The following CLIP4 variants were observed in gnomAD, a reference collection of about 807,000 sequenced individuals.
CLIP4 encodes CAP-Gly domain-containing linker protein 4.
In CLIP4, 47 loss-of-function variants were observed where a neutral mutation model predicts 73.1. The observed-to-expected ratio is 0.64, with a 90% CI of 0.51 to 0.82. The LOEUF is 0.82. CLIP4 is among the 40% of genes least tolerant of loss of function. The pLI, the probability that CLIP4 is intolerant of heterozygous loss-of-function variation, is 0.00. For synonymous variants in CLIP4, 306 were observed against 295.4 expected (o/e 1.04, Z -0.37); for missense variants, 874 against 852.9 (o/e 1.02, Z -0.31).
chr2:29,146,009 A>G (rs1320327845), intron 8 of CLIP4, among the ~76,000 whole-genome samples: 1 of 152,190 alleles, frequency 6.6e-6, no homozygotes, highest in African/African-American at 2.4e-5. Flanking sequence ...GCCATGATGG[A>G]AAGGTTTAGG....
chr2:29,158,140 A>T (rs1458002938), intron 11 of CLIP4, among the ~76,000 whole-genome samples: 1 of 152,180 alleles, frequency 6.6e-6, no homozygotes, highest in Non-Finnish European at 1.5e-5. Context: ...AGAACCTGAA[A>T]GTTTTCCCTG....
chr2:29,136,439 C>T (rs1005908151), intron 6 of CLIP4, among the ~76,000 whole-genome samples: 2 of 152,018 alleles, frequency 1.3e-5, no homozygotes, highest in Non-Finnish European at 2.9e-5. Context: ...TTCTTCTCTT[C>T]CTCCCTCCCT....
chr2:29,159,894 G>A (rs1394284743), intron 11 of CLIP4, among the ~76,000 whole-genome samples: 1 of 152,190 alleles, frequency 6.6e-6, no homozygotes, highest in Non-Finnish European at 1.5e-5. Flanking sequence ...AAAATATATT[G>A]TCTATATCTA....
At chr2:29,162,310 G>A (rs1014099323) in intron 12 of CLIP4, among the ~76,000 whole-genome samples, 3 of 152,154 alleles carry the variant, frequency 2.0e-5, no homozygotes, top group African/African-American at 7.2e-5. Flanking sequence ...GGAAGTAGTA[G>A]CATTAAAAAT....
chr2:29,161,050 C>T (rs1456946451), intron 12 of CLIP4, among the ~76,000 whole-genome samples: 1 of 152,142 alleles, frequency 6.6e-6, no homozygotes, highest in Non-Finnish European at 1.5e-5. Flanking sequence ...TCTCAGCTCA[C>T]CGCAACCTCT....
At chr2:29,119,335 C>G (rs1250997097) in intron 1 of CLIP4, among the ~76,000 whole-genome samples, 1 of 152,162 alleles carries the variant, frequency 6.6e-6, no homozygotes, top group African/African-American at 2.4e-5. Flanking sequence ...GAGTTCGTAT[C>G]TTTGAGGATC....
intron 5 of CLIP4, 81 bp from the exon 6 acceptor site, chr2:29,135,467 C>T: frequency 1.0e-6 from 1 of 970,690 alleles, no homozygotes; most frequent in Non-Finnish European, 1.5e-6. Context: ...TAAGTCCCTC[C>T]TCCCAAAGCC....
In CLIP4 at chr2:29,160,454, A is replaced by G; in HGVS notation, c.1521A>G (p.Thr507=). The G allele has an allele frequency of 1.9e-6, 3 of 1,614,142 alleles. No homozygotes were observed. The highest frequency in any genetic ancestry group is 2.5e-6 in the Non-Finnish European group (3 of 1,180,000). ...RLGTIRFFGT[T]NFAPGYWYGI... ...GCACCATTAGGTTCTTTGGGACAAC[A>G]AACTTCGCTCCAGGTAACTCATCTG... The change falls in exon 12 of 16, where the codon ACA becomes ACG. Residue 507 remains threonine (T), a synonymous_variant. Transcript: ENST00000320081.
chr2:29,140,164 G>A (rs974243769), intron 6 of CLIP4, among the ~76,000 whole-genome samples: 5 of 151,732 alleles, frequency 3.3e-5, no homozygotes, highest in African/African-American at 9.7e-5. Flanking sequence ...GTGCCATGAT[G>A]GTGTGCTGCA....
intron 9 of CLIP4, 80 bp downstream of exon 9, chr2:29,152,908 A>G: frequency 2.0e-6 from 3 of 1,469,642 alleles, no homozygotes; most frequent in Non-Finnish European, 2.8e-6. Context: ...AGATTGCTTC[A>G]CTTTTTTTTG....
chr2:29,147,758 A>G (rs1666269612), intron 8 of CLIP4, among the ~76,000 whole-genome samples: 1 of 152,166 alleles, frequency 6.6e-6, no homozygotes. Context: ...GTTGTTAACC[A>G]TCTTCACCTC....
At chr2:29,153,727 G>A (rs1049257896) in intron 9 of CLIP4, among the ~76,000 whole-genome samples, 2 of 152,290 alleles carry the variant, frequency 1.3e-5, no homozygotes, top group South Asian at 4.1e-4. Context: ...AGGATGAAAG[G>A]AATTTGTCCA....
rs77014984 is a variant in CLIP4, at chr2:29,129,921, A to T, written c.134-1337A>T. ...CTGATCCACAGTGTTTTTGGACCCC[A>T]TCTTTGCATTAGATTCTCTGAAAGG... On this transcript the variant is annotated intron_variant, in intron 2 of 15. Transcript: ENST00000320081. The T allele has an allele frequency of 1.1e-4, 51 of 451,086 alleles. No individual in the cohort carries two copies. In the East Asian group the frequency reaches 3.0e-3, roughly 26 times the overall value. 27.9% of individuals were successfully genotyped at this position (451,086 alleles called of 1,614,324 possible). A position where few individuals can be genotyped will look rare whatever the true frequency, so the allele number is the denominator to read the frequency against.
At chr2:29,142,622 A>AGGG (rs1288633472) in intron 6 of CLIP4, among the ~76,000 whole-genome samples, 1 of 152,180 alleles carries the variant, frequency 6.6e-6, no homozygotes, top group Non-Finnish European at 1.5e-5. Context: ...CCATATTTCT[A>AGGG]CTAAGGACCA....
At chr2:29,132,510 C>T (rs1049705022) in intron 4 of CLIP4, 4 of 396,412 alleles carry the variant, frequency 1.0e-5, no homozygotes, top group Non-Finnish European at 1.3e-5. Flanking sequence ...CTAGTAACAC[C>T]CTAAAATCTT....
At chr2:29,162,636 G>A (rs1365653675) in intron 12 of CLIP4, among the ~76,000 whole-genome samples, 1 of 152,218 alleles carries the variant, frequency 6.6e-6, no homozygotes, top group Non-Finnish European at 1.5e-5. Flanking sequence ...GCAGAAGCAA[G>A]TAAAACTTGG....
chr2:29,173,143 C>A (rs533188218), intron 14 of CLIP4, among the ~76,000 whole-genome samples: 1 of 152,056 alleles, frequency 6.6e-6, no homozygotes, highest in Non-Finnish European at 1.5e-5. Context: ...TTGATGCTTC[C>A]AGAGAAGATT....
intron 2 of CLIP4, among the ~76,000 whole-genome samples, chr2:29,128,033 CAT>C (rs1664725014): frequency 6.6e-6 from 1 of 151,992 alleles, no homozygotes; most frequent in Non-Finnish European, 1.5e-5. Context: ...ACAAAAATAA[CAT>C]AAGGTTAAGC....
upstream of CLIP4, among the ~76,000 whole-genome samples, chr2:29,110,987 A>C (rs966620224): frequency 1.3e-5 from 2 of 152,194 alleles, no homozygotes; most frequent in African/African-American, 4.8e-5. Context: ...CGCCTGGTCA[A>C]TATTTAAAGC....
Sources: gnomAD v4.1 joint callset for allele counts (sites outside exome capture counted in the v4.1 genomes callset) on GRCh38, gnomAD v4.1.1 for gene constraint, MANE v1.5 for transcripts, NCBI Gene and HGNC (gene_info 2026-07-23, HGNC 2026-07-21) for gene names.